Variants in COX6B1 observed in about 807,000 individuals in gnomAD.
COX6B1 encodes the protein cytochrome c oxidase subunit 6B1.
In COX6B1, 2 loss-of-function variants were observed where a neutral mutation model predicts 14.0. That is an observed-to-expected ratio of 0.14 (90% CI 0.06 to 0.45). The LOEUF (loss-of-function observed/expected upper bound fraction) is 0.45. Ranked by LOEUF, COX6B1 falls within the 20% of genes least tolerant of loss-of-function variation. The pLI is 0.98. For synonymous variants in COX6B1, 30 were observed against 39.7 expected, an observed-to-expected ratio of 0.76 and a Z score of 0.92; for missense variants, 81 against 114.2, an observed-to-expected ratio of 0.71 and a Z score of 1.33.
At chr19:35,654,449 A>C in intron 2 of COX6B1, 122 bp from the exon 3 acceptor site, 1 of 796,278 alleles carries the variant, frequency 1.3e-6, no homozygotes, top group Non-Finnish European at 2.2e-6. Context: ...TAGAGGTTGC[A>C]GTGAGCTGAG....
chr19:35,648,984 T>G, intron 1 of COX6B1: 1 of 527,708 alleles, frequency 1.9e-6, no homozygotes, highest in South Asian at 1.4e-5. Flanking sequence ...AAAGACTGTT[T>G]TAGTGCTCCA....
chr19:35,654,249 G>C (rs897301207), intron 2 of COX6B1, among the ~76,000 whole-genome samples: 1 of 152,188 alleles, frequency 6.6e-6, no homozygotes, highest in Non-Finnish European at 1.5e-5. Flanking sequence ...TTTGCTGGGT[G>C]CAGTGGCTCA....
chr19:35,658,563 C>G (rs1301011536), intron 3 of COX6B1, 31 bp from the exon 4 acceptor site: 1 of 1,605,228 alleles, frequency 6.2e-7, no homozygotes, highest in South Asian at 1.1e-5. Flanking sequence ...AGTTTCCCCA[C>G]TGCGGAGGGA....
chr19:35,651,451 TC>T (rs1456020284), intron 2 of COX6B1, 102 bp downstream of exon 2: 50 of 859,330 alleles, frequency 5.8e-5, no homozygotes, highest in Non-Finnish European at 8.5e-5. Context: ...ATTCTGAACA[TC>T]CTTACTCTGG....
Position 35,654,649 on chromosome 19 carries a change from A to T in COX6B1, c.185A>T (p.Gln62Leu). 1 of 1,614,218 alleles carries T rather than the reference A, an allele frequency of 6.2e-7. No individual in the cohort carries two copies. Among genetic ancestry groups the T allele is most frequent in the East Asian group, 2.2e-5 (1 of 44,888 alleles). Residue 62 changes from glutamine (Q) to leucine (L), a missense_variant, in exon 3 of 4, where the codon CAG becomes CTG. Coordinates refer to ENST00000649813, the MANE Select transcript of COX6B1 (RefSeq NM_001863.5). The part of the protein sequence containing the change: ...SVCEWYQRVY[Q>L]SLCPTSWVTD... The stretch of plus-strand genomic sequence containing the variant: ...TGCGAATGGTACCAGCGTGTGTACC[A>T]GTCCCTCTGCCCCACATCCTGGGTA...
chr19:35,653,362 TC>T (rs1462552648), intron 2 of COX6B1, among the ~76,000 whole-genome samples: 2 of 150,678 alleles, frequency 1.3e-5, no homozygotes, highest in African/African-American at 4.9e-5. Context: ...AACCTCCGCC[TC>T]CCGGGTTTAA....
At chr19:35,654,725 G>A (rs1038185977) in intron 3 of COX6B1, 54 bp downstream of exon 3, 1 of 1,534,668 alleles carries the variant, frequency 6.5e-7, no homozygotes, top group Non-Finnish European at 9.0e-7. Context: ...CTTAGCAGAG[G>A]GGAGTGTGGT....
intron 3 of COX6B1, 149 bp downstream of exon 3, chr19:35,654,820 A>G (rs1031241382): frequency 7.3e-6 from 5 of 683,324 alleles, no homozygotes; most frequent in African/African-American, 1.8e-5. Context: ...CCTCCCGCCT[A>G]GAATTACCTC....
intron 2 of COX6B1, among the ~76,000 whole-genome samples, chr19:35,653,999 C>T (rs955032443): frequency 3.9e-5 from 6 of 152,134 alleles, no homozygotes; most frequent in African/African-American, 9.7e-5. Context: ...CCACCATGCC[C>T]GGCTACCACC....
Position 35,654,556 on chromosome 19 carries a change from C to T in COX6B1, c.107-15C>T. 6.2e-7 allele frequency: 1 copy of T among 1,609,950 alleles called. No individual in the cohort carries two copies. Among genetic ancestry groups the T allele is most frequent in the African/African-American group, 1.3e-5 (1 of 74,900 alleles). On this transcript the variant is annotated splice_polypyrimidine_tract_variant and intron_variant, in intron 2 of 3. Coordinates refer to ENST00000649813, the MANE Select transcript of COX6B1 (RefSeq NM_001863.5). ...AACTCTTGATCTGGGCTGACTTGAA[C>T]CCCTTTCTTCACAGACTTCCACCGC...
In COX6B1 at chr19:35,651,200, G is replaced by A. The variant is rs763124408; in HGVS notation, c.-11-33G>A. On this transcript the variant is annotated intron_variant, in intron 1 of 3. Transcript: ENST00000649813. ...GTCTGGCTTGCTCAGGGCCCCTGGG[G>A]CCCCTGCTGACACCCACTCCTTTCG... The A allele has an allele frequency of 4.1e-6, 6 of 1,472,488 alleles. No homozygotes were observed. In the East Asian group the frequency reaches 1.4e-4, roughly 33 times the overall value. The allele number at this position is 1,472,488 out of a possible 1,614,324, so 91.2% of individuals were successfully genotyped here.
At chr19:35,654,419 C>T (rs771239279) in intron 2 of COX6B1, 152 bp from the exon 3 acceptor site, 27 of 671,292 alleles carry the variant, frequency 4.0e-5, no homozygotes, top group South Asian at 3.4e-4. Context: ...GCAGGAGAAT[C>T]ACTTGAACCC....
chr19:35,651,523 C>A (rs1967824695), intron 2 of COX6B1, among the ~76,000 whole-genome samples, 174 bp downstream of exon 2: 1 of 152,066 alleles, frequency 6.6e-6, no homozygotes, highest in South Asian at 2.1e-4. Context: ...AACTTTAGTT[C>A]CTGCAATGAT....
chr19:35,650,306 A>G (rs1026500886), intron 1 of COX6B1, among the ~76,000 whole-genome samples: 4 of 152,164 alleles, frequency 2.6e-5, no homozygotes, highest in African/African-American at 9.7e-5. Context: ...CCCGGCGAAA[A>G]TTGTATTCCT....
intron 2 of COX6B1, among the ~76,000 whole-genome samples, chr19:35,652,108 C>T (rs946269669): frequency 6.6e-6 from 1 of 151,540 alleles, no homozygotes; most frequent in African/African-American, 2.4e-5. Flanking sequence ...TGGCTCACTG[C>T]AACCTCCGCC....
At chr19:35,650,059 A>G (rs1599620466) in intron 1 of COX6B1, among the ~76,000 whole-genome samples, 1 of 150,400 alleles carries the variant, frequency 6.6e-6, no homozygotes, top group East Asian at 2.0e-4. Context: ...GTTGGAGTGC[A>G]CTGGCACAAT....
intron 3 of COX6B1, among the ~76,000 whole-genome samples, chr19:35,655,116 G>T (rs1395057761): frequency 6.7e-6 from 1 of 148,622 alleles, no homozygotes; most frequent in Admixed American, 6.9e-5. Flanking sequence ...TGCAACCTCC[G>T]CCTCCTGGGT....
At chr19:35,658,085 C>G (rs4806186) in intron 3 of COX6B1, among the ~76,000 whole-genome samples, 20,070 of 152,122 alleles carry the variant, frequency 0.13, 1,621 homozygotes, top group East Asian at 0.28. Flanking sequence ...AGTCACCACA[C>G]CCAGCCTCCA....
rs1967912514 is a variant in COX6B1 at position 35,658,575 on chromosome 19, T to G, written c.208-19T>G. ...TTCAGTTTCCCCACTGCGGAGGGAA[T>G]AACACTGTCTTTCCACAGGTCACAG... On this transcript the variant is annotated intron_variant, in intron 3 of 3. Transcript: ENST00000649813. 1 of 1,612,156 alleles carries G rather than the reference T, an allele frequency of 6.2e-7. No homozygotes were observed.
Sources: gnomAD v4.1 joint callset for allele counts (sites outside exome capture counted in the v4.1 genomes callset) on GRCh38, gnomAD v4.1.1 for gene constraint, MANE v1.5 for transcripts, NCBI Gene and HGNC (gene_info 2026-07-23, HGNC 2026-07-21) for gene names.